Variants in XYLT1 observed in about 807,000 individuals in gnomAD.
XYLT1 encodes beta-D-xylosyltransferase 1.
XYLT1 carries 36 observed loss-of-function variants against 91.3 expected under a neutral mutation model. The observed-to-expected ratio is 0.39, with a 90% CI of 0.30 to 0.52. The LOEUF (loss-of-function observed/expected upper bound fraction) is 0.52, where lower values mean the gene tolerates loss of function less well. Among genes scored for constraint, XYLT1 ranks in the 20% least tolerant of loss-of-function variants. The pLI, the probability that XYLT1 is intolerant of heterozygous loss-of-function variation, is 0.68. For synonymous variants in XYLT1, 588 were observed against 532.0 expected (o/e 1.11, Z -1.45); for missense variants, 1,242 against 1,284.5 (o/e 0.97, Z 0.51).
At chr16:17,243,613 G>C (rs2033383820) in intron 3 of XYLT1, among the ~76,000 whole-genome samples, 1 of 152,202 alleles carries the variant, frequency 6.6e-6, no homozygotes, top group African/African-American at 2.4e-5. Flanking sequence ...TCCCGAGTGA[G>C]GGAGGGGCAC....
intron 2 of XYLT1, among the ~76,000 whole-genome samples, chr16:17,331,549 T>C (rs1286072747): frequency 6.6e-6 from 1 of 152,238 alleles, no homozygotes; most frequent in African/African-American, 2.4e-5. Context: ...GCGGTTGTAC[T>C]GCTGTTGTTT....
intron 3 of XYLT1, among the ~76,000 whole-genome samples, chr16:17,256,297 G>A (rs997495541): frequency 9.2e-5 from 14 of 152,046 alleles, no homozygotes; most frequent in African/African-American, 3.1e-4. Context: ...ATTAACTGGG[G>A]GACCTGGCAT....
intron 5 of XYLT1, among the ~76,000 whole-genome samples, chr16:17,168,431 C>T (rs572794375): frequency 6.6e-6 from 1 of 152,180 alleles, no homozygotes; most frequent in East Asian, 1.9e-4. Context: ...ACACTGGGGA[C>T]TACTAGAGAG....
intron 5 of XYLT1, among the ~76,000 whole-genome samples, chr16:17,175,631 C>T (rs2031926529): frequency 1.3e-5 from 2 of 152,198 alleles, no homozygotes; most frequent in Admixed American, 6.5e-5. Context: ...CCTGTCCTCT[C>T]TCATGGAAAA....
intron 5 of XYLT1, among the ~76,000 whole-genome samples, chr16:17,167,009 C>T (rs1199332930): frequency 6.6e-6 from 1 of 152,178 alleles, no homozygotes; most frequent in Non-Finnish European, 1.5e-5. Flanking sequence ...GTTAAGTGCT[C>T]GTCCTCCTTA....
In XYLT1 at chr16:17,112,564, G is replaced by T. The variant is rs140853677; in HGVS notation, c.2558-3547C>A. On this transcript the variant is annotated intron_variant, in intron 11 of 11. Coordinates refer to ENST00000261381, the MANE Select transcript of XYLT1 (RefSeq NM_022166.4). Reference sequence around the variant, plus strand: ...CTGACCAACAGGTGTACCTGAAGCAGCGAAGACACAGCCATTTACTCCCCT... The same window carrying T: ...CTGACCAACAGGTGTACCTGAAGCATCGAAGACACAGCCATTTACTCCCCT... Among the ~76,000 whole-genome samples, 677 of 152,264 alleles carry T rather than the reference G, an allele frequency of 4.4e-3. 4 individuals are homozygous for T. Among genetic ancestry groups the T allele is most frequent in the African/African-American group, 0.015 (640 of 41,532 alleles).
chr16:17,399,403 G>C (rs2035934717), intron 1 of XYLT1, among the ~76,000 whole-genome samples: 1 of 152,154 alleles, frequency 6.6e-6, no homozygotes, highest in Non-Finnish European at 1.5e-5. Flanking sequence ...GACAACTCCA[G>C]GCCTCCAGCA....
intron 1 of XYLT1, among the ~76,000 whole-genome samples, chr16:17,460,469 C>T (rs891565831): frequency 9.2e-5 from 14 of 152,180 alleles, no homozygotes; most frequent in Non-Finnish European, 1.3e-4. Context: ...AAGGCACAGG[C>T]AGTGAGAGGC....
intron 3 of XYLT1, among the ~76,000 whole-genome samples, chr16:17,208,634 T>A (rs182625062): frequency 5.3e-5 from 8 of 152,340 alleles, no homozygotes; most frequent in Admixed American, 1.3e-4. Context: ...GCTTGTAGCA[T>A]TATGTGCCCA....
intron 10 of XYLT1, among the ~76,000 whole-genome samples, chr16:17,125,793 C>G (rs933793456): frequency 3.3e-5 from 5 of 152,116 alleles, no homozygotes; most frequent in Admixed American, 3.3e-4. Context: ...CATTGGAATG[C>G]AATTCCATGA....
chr16:17,272,497 G>A (rs953060811), intron 2 of XYLT1, among the ~76,000 whole-genome samples: 12 of 152,152 alleles, frequency 7.9e-5, no homozygotes, highest in African/African-American at 2.4e-4. Context: ...AGCCACAACC[G>A]GGACCAATGG....
chr16:17,395,862 C>T (rs2035878621), intron 1 of XYLT1, among the ~76,000 whole-genome samples: 1 of 152,186 alleles, frequency 6.6e-6, no homozygotes, highest in Non-Finnish European at 1.5e-5. Flanking sequence ...CTCTCTGTCA[C>T]TCTCATCTGT....
At chr16:17,348,048 T>C (rs7499422) in intron 2 of XYLT1, among the ~76,000 whole-genome samples, 37,752 of 151,840 alleles carry the variant, frequency 0.25, 5,350 homozygotes, top group Middle Eastern at 0.34. Flanking sequence ...TACCAGTTCC[T>C]CTACTTGGCC....
chr16:17,321,867 G>GCCCCAA (rs2034728737), intron 2 of XYLT1, among the ~76,000 whole-genome samples: 1 of 152,142 alleles, frequency 6.6e-6, no homozygotes, highest in Non-Finnish European at 1.5e-5. Flanking sequence ...CAAATGGTAT[G>GCCCCAA]GTGGCAAGGT....
At chr16:17,120,999 ATCTG>A (rs1236348773) in intron 10 of XYLT1, among the ~76,000 whole-genome samples, 10 of 152,286 alleles carry the variant, frequency 6.6e-5, no homozygotes, top group South Asian at 2.1e-4. Context: ...GTATCCACCC[ATCTG>A]TCTGTCTGTT....
At chr16:17,130,557 C>T (rs189614785) in intron 9 of XYLT1, among the ~76,000 whole-genome samples, 31 of 152,242 alleles carry the variant, frequency 2.0e-4, no homozygotes, top group Admixed American at 5.9e-4. Context: ...ACTGCAACCT[C>T]TGCCTCCCGG....
At chr16:17,268,159 T>A (rs1489716687) in intron 2 of XYLT1, among the ~76,000 whole-genome samples, 1 of 152,150 alleles carries the variant, frequency 6.6e-6, no homozygotes, top group Non-Finnish European at 1.5e-5. Flanking sequence ...TCATACTGCA[T>A]CAGAAATCAG....
intron 2 of XYLT1, among the ~76,000 whole-genome samples, chr16:17,348,940 G>T (rs548210114): frequency 6.6e-6 from 1 of 152,200 alleles, no homozygotes; most frequent in East Asian, 1.9e-4. Context: ...ATGCCTCCTC[G>T]CTGAGCCTCC....
At chr16:17,370,480 G>A (rs2035518563) in intron 1 of XYLT1, among the ~76,000 whole-genome samples, 1 of 152,182 alleles carries the variant, frequency 6.6e-6, no homozygotes. Context: ...CTGCGGGGAG[G>A]GCAGGATGAG....
Sources: allele counts gnomAD v4.1 joint callset (sites outside exome capture counted in the v4.1 genomes callset), GRCh38; gene constraint gnomAD v4.1.1; transcripts MANE v1.5; gene names NCBI Gene and HGNC (gene_info 2026-07-23, HGNC 2026-07-21).